KCNIP4: variants seen among roughly 807,000 people sequenced by gnomAD.
KCNIP4 encodes potassium voltage-gated channel interacting protein 4, also known as Kv channel-interacting protein 4.
In KCNIP4, 12 loss-of-function variants were observed where a neutral mutation model predicts 34.0. The observed-to-expected ratio is 0.35, with a 90% confidence interval of 0.23 to 0.57. The LOEUF is 0.57. Ranked by LOEUF, KCNIP4 falls within the 20% of genes least tolerant of loss-of-function variation. The pLI is 0.83. For missense variants in KCNIP4, 238 were observed against 311.7 expected (o/e 0.76, Z 1.78); for synonymous variants, 124 against 102.2 (o/e 1.21, Z -1.29).
intron 1 of KCNIP4, among the ~76,000 whole-genome samples, chr4:21,689,452 C>A (rs902242766): frequency 6.6e-6 from 1 of 151,958 alleles, no homozygotes; most frequent in African/African-American, 2.4e-5. Context: ...TCTAATTGGT[C>A]TTCCCAATTG....
At chr4:21,017,877 C>T (rs188884307) in intron 1 of KCNIP4, among the ~76,000 whole-genome samples, 75 of 152,192 alleles carry the variant, frequency 4.9e-4, no homozygotes, top group Admixed American at 1.7e-3. Context: ...TTTTAATAAT[C>T]GCCACTCTGA....
chr4:21,196,716 T>A (rs751197913), intron 1 of KCNIP4, among the ~76,000 whole-genome samples: 3 of 152,254 alleles, frequency 2.0e-5, no homozygotes, highest in Non-Finnish European at 2.9e-5. Context: ...CAAATACCTA[T>A]GCAAGGCAAA....
intron 1 of KCNIP4, among the ~76,000 whole-genome samples, chr4:21,519,742 T>TATAC: frequency 7.9e-6 from 1 of 126,852 alleles, no homozygotes; most frequent in Admixed American, 8.4e-5. Flanking sequence ...ATATGTATGA[T>TATAC]ACACACGTGT....
chr4:21,869,743 T>C (rs1372886466), intron 1 of KCNIP4, among the ~76,000 whole-genome samples: 5 of 128,208 alleles, frequency 3.9e-5, no homozygotes, highest in East Asian at 4.2e-4. Context: ...GATAGATAGA[T>C]AGATAGATAG....
chr4:21,379,576 T>G (rs1426958319), intron 1 of KCNIP4, among the ~76,000 whole-genome samples: 1 of 152,198 alleles, frequency 6.6e-6, no homozygotes, highest in Non-Finnish European at 1.5e-5. Context: ...TCTTTCATAT[T>G]ATTTTCCCAA....
rs34709348 is a variant in KCNIP4 at position 21,447,255 on chromosome 4, C to G, written c.61+501316G>C. Reference sequence around the variant, plus strand: ...GCAGAAAGAGACTTGAAGATGCTGGCCATGAAGATCGGAGTGATGAGGCCA... The same window carrying G: ...GCAGAAAGAGACTTGAAGATGCTGGGCATGAAGATCGGAGTGATGAGGCCA... On this transcript the variant is annotated intron_variant, in intron 1 of 8. Coordinates refer to ENST00000382152, the MANE Select transcript of KCNIP4 (RefSeq NM_025221.6). Among the ~76,000 whole-genome samples the G allele has an allele frequency of 0.016, 2,419 of 152,078 alleles. 129 individuals carry two copies. The East Asian group carries it at 0.16, about 10-fold the overall frequency.
At chr4:21,755,188 G>A (rs774829041) in intron 1 of KCNIP4, among the ~76,000 whole-genome samples, 8 of 152,054 alleles carry the variant, frequency 5.3e-5, no homozygotes, top group African/African-American at 9.7e-5. Flanking sequence ...CTTTAGAGTC[G>A]AGCATGGATA....
In KCNIP4 at chr4:21,360,928, T is replaced by C. The variant is rs1183517311; in HGVS notation, c.62-478219A>G. On this transcript the variant is annotated intron_variant, in intron 1 of 8. Transcript: ENST00000382152. Reference sequence around the variant, plus strand: ...GCAAGTTTCAAGTCCACAAATCCATTTAATTTTGCTTTAAATCAGCATCCG... The same window carrying C: ...GCAAGTTTCAAGTCCACAAATCCATCTAATTTTGCTTTAAATCAGCATCCG... Among the ~76,000 whole-genome samples, 4 of 152,122 alleles carry C rather than the reference T, an allele frequency of 2.6e-5. No individual in the cohort carries two copies. In the East Asian group the frequency reaches 7.7e-4, roughly 29 times the overall value.
chr4:21,652,140 A>T (rs887053605), intron 1 of KCNIP4, among the ~76,000 whole-genome samples: 5 of 152,162 alleles, frequency 3.3e-5, no homozygotes, highest in Non-Finnish European at 7.3e-5. Flanking sequence ...AAGGTAAAAA[A>T]GTTGTGCTTC....
At chr4:21,591,377 C>G (rs537061774) in intron 1 of KCNIP4, among the ~76,000 whole-genome samples, 1 of 152,046 alleles carries the variant, frequency 6.6e-6, no homozygotes, top group East Asian at 1.9e-4. Flanking sequence ...CAAAACAAAA[C>G]AAAAGCCACT....
intron 1 of KCNIP4, among the ~76,000 whole-genome samples, chr4:21,571,028 G>A (rs1740329640): frequency 6.6e-6 from 1 of 152,096 alleles, no homozygotes; most frequent in Non-Finnish European, 1.5e-5. Context: ...TTGAGAAAAG[G>A]ACATCTAGAC....
rs186887081 is a variant in KCNIP4, at chr4:20,840,827, C to T, written c.288+9716G>A. Among the ~76,000 whole-genome samples the T allele has an allele frequency of 4.5e-3, 692 of 152,242 alleles. 9 individuals are homozygous for T. Among genetic ancestry groups the T allele is most frequent in the Middle Eastern group, 0.024 (7 of 292 alleles). On this transcript the variant is annotated intron_variant, in intron 3 of 8. Transcript: ENST00000382152. ...GGTGACGTGCTGGATACCAACACCC[C>T]CATCTCCTTCCGCTCAACTTTGAAA...
intron 1 of KCNIP4, among the ~76,000 whole-genome samples, chr4:20,984,318 G>C (rs375591141): frequency 6.6e-6 from 1 of 152,226 alleles, no homozygotes; most frequent in Admixed American, 6.5e-5. Context: ...AGAACACCGC[G>C]CGCTTCCCTC....
chr4:21,030,680 C>A lies in KCNIP4; in HGVS notation c.62-147971G>T, dbSNP rs956605246. Reference sequence around the variant, plus strand: ...CAGGACTTACGCATGTTGCTTTTATCATCATCATCATTATAACTTATAACA... The same window carrying A: ...CAGGACTTACGCATGTTGCTTTTATAATCATCATCATTATAACTTATAACA... On this transcript the variant is annotated intron_variant, in intron 1 of 8. Transcript: ENST00000382152. Among the ~76,000 whole-genome samples the A allele has an allele frequency of 3.9e-5, 6 of 152,216 alleles. No homozygotes were observed. The South Asian group carries it at 1.2e-3, about 32-fold the overall frequency.
chr4:21,487,482 C>T (rs957664775), intron 1 of KCNIP4, among the ~76,000 whole-genome samples: 1 of 151,022 alleles, frequency 6.6e-6, no homozygotes, highest in Admixed American at 6.7e-5. Context: ...CATGCTACTC[C>T]ACTGTAAAGT....
intron 1 of KCNIP4, among the ~76,000 whole-genome samples, chr4:21,669,465 T>C (rs1384462919): frequency 1.3e-5 from 2 of 152,196 alleles, no homozygotes; most frequent in Non-Finnish European, 2.9e-5. Context: ...ATACAATACA[T>C]GTAACATATA....
chr4:21,937,667 C>T (rs116381580), intron 1 of KCNIP4, among the ~76,000 whole-genome samples: 2,060 of 152,066 alleles, frequency 0.014, 39 homozygotes, highest in African/African-American at 0.046. Flanking sequence ...TTTTTTCAAC[C>T]GAACCTCCAT....
chr4:21,809,025 T>C (rs887432006), intron 1 of KCNIP4, among the ~76,000 whole-genome samples: 3 of 152,150 alleles, frequency 2.0e-5, no homozygotes, highest in East Asian at 1.9e-4. Context: ...TTTGAAAGCA[T>C]TTTGTGATGG....
intron 3 of KCNIP4, among the ~76,000 whole-genome samples, chr4:20,797,607 A>T (rs1713652246): frequency 6.6e-6 from 1 of 152,186 alleles, no homozygotes; most frequent in Admixed American, 6.5e-5. Context: ...TTAAAAGTAG[A>T]GCATTTTATC....
Sources: gnomAD v4.1 joint callset for allele counts (sites outside exome capture counted in the v4.1 genomes callset) on GRCh38, gnomAD v4.1.1 for gene constraint, MANE v1.5 for transcripts, NCBI Gene and HGNC (gene_info 2026-07-23, HGNC 2026-07-21) for gene names.